Variants in SATB2 observed in about 807,000 individuals in gnomAD.
SATB2 encodes the protein DNA-binding protein SATB2.
SATB2 carries 1 observed loss-of-function variant against 73.4 expected under a neutral mutation model. That is an observed-to-expected ratio of 0.01 (90% CI 0.00 to 0.06). SATB2 has a LOEUF of 0.06. Ranked by LOEUF, SATB2 falls within the 10% of genes least tolerant of loss-of-function variation. The pLI, the probability that SATB2 is intolerant of heterozygous loss-of-function variation, is 1.00. For synonymous variants in SATB2, 397 were observed against 367.0 expected (o/e 1.08, Z -0.93); for missense variants, 459 against 945.8 (o/e 0.49, Z 6.75).
chr2:199,302,707 T>G (rs958520089), intron 10 of SATB2, among the ~76,000 whole-genome samples: 1 of 152,204 alleles, frequency 6.6e-6, no homozygotes, highest in African/African-American at 2.4e-5. Flanking sequence ...TTTGTAAACA[T>G]TCTTAATGGA....
At chr2:199,334,915 T>C (rs1250183084) in intron 7 of SATB2, among the ~76,000 whole-genome samples, 2 of 152,094 alleles carry the variant, frequency 1.3e-5, no homozygotes, top group Non-Finnish European at 2.9e-5. Flanking sequence ...TGAGAGGCAT[T>C]TCCCCCTCAG....
At chr2:199,415,017 G>A (rs749177234) in intron 3 of SATB2, among the ~76,000 whole-genome samples, 9 of 152,004 alleles carry the variant, frequency 5.9e-5, no homozygotes, top group African/African-American at 1.9e-4. Flanking sequence ...GCAAAACATC[G>A]GGGAAAATAA....
intron 2 of SATB2, among the ~76,000 whole-genome samples, chr2:199,433,819 A>G (rs1691574772): frequency 6.6e-6 from 1 of 152,164 alleles, no homozygotes; most frequent in Non-Finnish European, 1.5e-5. Context: ...TTTAATGTCT[A>G]TAGTTTTATC....
rs1434091019 is a variant in SATB2 at position 199,463,384 on chromosome 2, C to G, written c.-141+1452G>C. On this transcript the variant is annotated intron_variant, in intron 1 of 11. Transcript: ENST00000260926. The surrounding 1 kb of genome is among the most constrained non-coding windows in gnomAD (Gnocchi z 6.4). ...GCTCGGAGCTGCCGGGGTTGGGGCC[C>G]CGGGTGGCGCTCCCGACCCGCCGCG... Among the ~76,000 whole-genome samples the G allele has an allele frequency of 6.6e-6, 1 of 152,220 alleles. No homozygotes were observed. The highest frequency in any genetic ancestry group is 2.4e-5 in the African/African-American group (1 of 41,456).
Position 199,455,827 on chromosome 2 carries a change from A to T in SATB2, c.169+42T>A. 6.5e-7 allele frequency: 1 copy of T among 1,532,192 alleles called. No individual in the cohort carries two copies. The highest frequency in any genetic ancestry group is 8.7e-7 in the Non-Finnish European group (1 of 1,144,876). The allele number at this position is 1,532,192 out of a possible 1,614,324, so 94.9% of individuals were successfully genotyped here. ...GAACCCTGACACCCGGGCCATTATC[A>T]CTGGGCCGCGGGCTGCGCGCCTCCC... On this transcript the variant is annotated intron_variant, in intron 2 of 10. Transcript: ENST00000417098. This position sits in a 1 kb window ranked among gnomAD's most constrained non-coding sequence, Gnocchi z 4.1.
intron 3 of SATB2, among the ~76,000 whole-genome samples, chr2:199,411,261 C>T (rs1690807132): frequency 6.6e-6 from 1 of 151,918 alleles, no homozygotes; most frequent in Non-Finnish European, 1.5e-5. Flanking sequence ...CCCACTCTCA[C>T]TTAAAACTTA....
intron 6 of SATB2, among the ~76,000 whole-genome samples, chr2:199,361,334 T>A (rs994901114): frequency 1.3e-5 from 2 of 151,924 alleles, no homozygotes; most frequent in Non-Finnish European, 2.9e-5. Context: ...CCCTACTTAC[T>A]CTCACCAAGT....
At chr2:199,404,431 TAA>T (rs1283422823) in intron 3 of SATB2, among the ~76,000 whole-genome samples, 1 of 152,172 alleles carries the variant, frequency 6.6e-6, no homozygotes, top group Non-Finnish European at 1.5e-5. Flanking sequence ...GCACATTATT[TAA>T]AAGTTTTAAC....
At chr2:199,470,142 C>G (rs1453468835) in intron 1 of SATB2, 2 of 152,408 alleles carry the variant, frequency 1.3e-5, no homozygotes, top group African/African-American at 4.8e-5. Context: ...GGGTTCAGCC[C>G]AGTCGGGCAA....
chr2:199,296,664 A>G (rs1372579921), intron 10 of SATB2, among the ~76,000 whole-genome samples: 2 of 152,048 alleles, frequency 1.3e-5, no homozygotes, highest in Non-Finnish European at 2.9e-5. Context: ...GTGCCACTTC[A>G]CTCCAGCCTG....
rs189360591 is a variant in SATB2, at chr2:199,279,370, A to C, written c.1741-6698T>G. Among the ~76,000 whole-genome samples the C allele has an allele frequency of 9.2e-5, 14 of 152,342 alleles. No homozygotes were observed. The South Asian group carries it at 2.9e-3, about 32-fold the overall frequency. ...GTTCAAATGGATTCTGAAGGCCTCA[A>C]TGAAAACCAGCTGGGAGCCAAGTGT... On this transcript the variant is annotated intron_variant, in intron 10 of 10. Transcript: ENST00000417098.
intron 7 of SATB2, chr2:199,329,215 G>T (rs1439027217): frequency 1.5e-5 from 6 of 405,864 alleles, no homozygotes; most frequent in Admixed American, 3.6e-5. Flanking sequence ...ATTACCACCA[G>T]GTGCCTCCTA....
At chr2:199,337,243 T>C (rs943809264) in intron 7 of SATB2, among the ~76,000 whole-genome samples, 9 of 152,296 alleles carry the variant, frequency 5.9e-5, no homozygotes, top group South Asian at 2.1e-4. Context: ...AATTATATGA[T>C]GCAAAATGAC....
chr2:199,326,512 G>A (rs528305167), intron 8 of SATB2, among the ~76,000 whole-genome samples: 4 of 152,100 alleles, frequency 2.6e-5, no homozygotes, highest in African/African-American at 9.6e-5. Context: ...AGGTGCCTAC[G>A]ATATATAATC....
In SATB2 at chr2:199,269,974, T is replaced by C. The variant is rs1278633300; in HGVS notation, c.*2237A>G. On this transcript the variant is annotated 3_prime_UTR_variant, in exon 11 of 11. Transcript: ENST00000417098. ...AAGTGTAAAAGATACCAAATGCGGA[T>C]GCCATCGATAGATGAACCACCTTGT... 1 of 152,756 alleles carries C rather than the reference T, an allele frequency of 6.5e-6. No individual in the cohort carries two copies. Among genetic ancestry groups the C allele is most frequent in the East Asian group, 1.9e-4 (1 of 5,326 alleles). The allele number at this position is 152,756 out of a possible 1,614,324, so 9.5% of individuals were successfully genotyped here.
chr2:199,442,504 G>A (rs940942735), intron 2 of SATB2, among the ~76,000 whole-genome samples: 1 of 152,182 alleles, frequency 6.6e-6, no homozygotes, highest in African/African-American at 2.4e-5. Flanking sequence ...AAAGACTACA[G>A]TATCTTTTCT....
At chr2:199,399,874 C>T (rs1690419231) in intron 3 of SATB2, among the ~76,000 whole-genome samples, 1 of 152,150 alleles carries the variant, frequency 6.6e-6, no homozygotes. Context: ...GATTATATCT[C>T]CATGTGAGAT....
chr2:199,340,780 G>C (rs751249970), intron 7 of SATB2, among the ~76,000 whole-genome samples: 1 of 152,102 alleles, frequency 6.6e-6, no homozygotes, highest in Non-Finnish European at 1.5e-5. Flanking sequence ...GCATTCTAAT[G>C]CTCCCATTCA....
At chr2:199,387,069 T>G (rs1689985194) in intron 3 of SATB2, among the ~76,000 whole-genome samples, 2 of 152,198 alleles carry the variant, frequency 1.3e-5, no homozygotes, top group Non-Finnish European at 2.9e-5. Flanking sequence ...GCACAGTGTT[T>G]TATACAACCA....
Sources: gnomAD v4.1 joint callset for allele counts (sites outside exome capture counted in the v4.1 genomes callset) on GRCh38, gnomAD v4.1.1 for gene constraint, Gnocchi (gnomAD v3.1) non-coding constraint, MANE v1.5 for transcripts, NCBI Gene and HGNC (gene_info 2026-07-23, HGNC 2026-07-21) for gene names.